Variants in FYB1 observed in about 807,000 individuals in gnomAD.
FYB1 encodes FYN binding protein 1.
In FYB1, 41 loss-of-function variants were observed where a neutral mutation model predicts 94.1. That is an observed-to-expected ratio of 0.44 (90% CI 0.34 to 0.57). The LOEUF is 0.57. FYB1 is among the 20% of genes least tolerant of loss of function. The pLI, the probability that FYB1 is intolerant of heterozygous loss-of-function variation, is 0.02. For missense variants in FYB1, 1,050 were observed against 976.8 expected, an observed-to-expected ratio of 1.07 and a Z score of -1.00; for synonymous variants, 367 against 353.2, an observed-to-expected ratio of 1.04 and a Z score of -0.44.
intron 2 of FYB1, among the ~76,000 whole-genome samples, chr5:39,188,050 T>C (rs1211579417): frequency 6.6e-6 from 1 of 152,114 alleles, no homozygotes; most frequent in East Asian, 1.9e-4. Context: ...GTCACCACTC[T>C]TCCAGGCTGA....
chr5:39,253,163 C>T (rs748236042), intron 1 of FYB1, among the ~76,000 whole-genome samples: 22 of 152,200 alleles, frequency 1.4e-4, no homozygotes, highest in Admixed American at 9.8e-4. Context: ...ACTGAGATGA[C>T]ATTGCAGTGG....
chr5:39,255,467 T>A (rs261740), intron 1 of FYB1, among the ~76,000 whole-genome samples: 146,905 of 150,204 alleles, frequency 0.98, 71,935 homozygotes, highest in East Asian at 1. Context: ...AGTTGCAGAC[T>A]TCAGTACCTT....
In FYB1 at chr5:39,210,795, G is replaced by A. The variant is rs575969616; in HGVS notation, c.-27-7808C>T. On this transcript the variant is annotated intron_variant, in intron 1 of 18. Coordinates refer to ENST00000512982, the MANE Select transcript of FYB1 (RefSeq NM_001465.6). ...GGAGGCTGATGTGGGAAGACCGCTTGAGCCCAAGGGTTTGAGTTCATCCTA... is the reference window on the plus strand; with the variant it reads ...GGAGGCTGATGTGGGAAGACCGCTTAAGCCCAAGGGTTTGAGTTCATCCTA... Among the ~76,000 whole-genome samples the A allele has an allele frequency of 3.3e-5, 5 of 152,308 alleles. No individual in the cohort carries two copies. The South Asian group carries it at 1.0e-3, about 32-fold the overall frequency.
In FYB1 at chr5:39,244,294, G is replaced by T. The variant is rs563260719; in HGVS notation, c.-28+30109C>A. 7.8e-4 allele frequency among the ~76,000 whole-genome samples: 119 copies of T among 152,032 alleles called. 1 individual carries two copies. The highest frequency in any genetic ancestry group is 1.5e-3 in the Non-Finnish European group (99 of 68,008). ...GCTGTGGGTTTGTCATAAATAGCCC[G>T]TATTGTTTTGAGGTACGTCCCATCA... On this transcript the variant is annotated intron_variant, in intron 1 of 1. Coordinates refer to the FYB1 transcript ENST00000510188.
chr5:39,137,212 A>T lies in FYB1; in HGVS notation c.1515+388T>A, dbSNP rs375150506. Among the ~76,000 whole-genome samples the T allele has an allele frequency of 8.6e-4, 131 of 152,324 alleles. 3 individuals carry two copies. The highest frequency in any genetic ancestry group is 3.0e-3 in the African/African-American group (126 of 41,572). ...GACAGGTCTGGTTCACCCTGGAGGC[A>T]CTTGTGTCCAATGCCCCCCTATAAT... On this transcript the variant is annotated intron_variant, in intron 7 of 18. Transcript: ENST00000512982.
At chr5:39,237,675 A>G (rs1175386293) in intron 1 of FYB1, among the ~76,000 whole-genome samples, 1 of 152,156 alleles carries the variant, frequency 6.6e-6, no homozygotes. Flanking sequence ...AGAGATACTG[A>G]TGATGGCATA....
chr5:39,237,671 A>G (rs1382443792), intron 1 of FYB1, among the ~76,000 whole-genome samples: 1 of 152,162 alleles, frequency 6.6e-6, no homozygotes, highest in Admixed American at 6.6e-5. Context: ...AATGAGAGAT[A>G]CTGATGATGG....
intron 3 of FYB1, among the ~76,000 whole-genome samples, chr5:39,150,722 T>C (rs930211155): frequency 6.6e-6 from 1 of 152,184 alleles, no homozygotes; most frequent in Non-Finnish European, 1.5e-5. Flanking sequence ...TTTGTCTCTC[T>C]CTTCAAAATA....
At chr5:39,171,747 G>A (rs1745264966) in intron 2 of FYB1, among the ~76,000 whole-genome samples, 2 of 152,114 alleles carry the variant, frequency 1.3e-5, no homozygotes, top group Non-Finnish European at 2.9e-5. Flanking sequence ...TTAACTACCA[G>A]CTGACACTTT....
At chr5:39,186,222 G>A (rs1048311721) in intron 2 of FYB1, among the ~76,000 whole-genome samples, 3 of 152,104 alleles carry the variant, frequency 2.0e-5, no homozygotes, top group Non-Finnish European at 4.4e-5. Context: ...TCAAGAGATC[G>A]AGACCATCTT....
At chr5:39,175,839 G>A (rs1745671671) in intron 2 of FYB1, among the ~76,000 whole-genome samples, 1 of 152,162 alleles carries the variant, frequency 6.6e-6, no homozygotes, top group Non-Finnish European at 1.5e-5. Flanking sequence ...GAATAACCTA[G>A]TGAATGCTAC....
intron 1 of FYB1, among the ~76,000 whole-genome samples, chr5:39,251,315 C>A (rs2150611098): frequency 6.6e-6 from 1 of 152,214 alleles, no homozygotes; most frequent in Non-Finnish European, 1.5e-5. Context: ...ATAGACCACA[C>A]TAGGGGAAAA....
At chr5:39,145,115 C>T (rs1040440061) in intron 3 of FYB1, among the ~76,000 whole-genome samples, 14 of 152,186 alleles carry the variant, frequency 9.2e-5, no homozygotes, top group East Asian at 7.7e-4. Flanking sequence ...GTGAAAGGAA[C>T]GTGGAGGCTC....
At chr5:39,174,652 C>T (rs965645919) in intron 2 of FYB1, among the ~76,000 whole-genome samples, 5 of 152,112 alleles carry the variant, frequency 3.3e-5, no homozygotes, top group African/African-American at 7.2e-5. Context: ...CATGAGCTCC[C>T]GGACTAAAAT....
chr5:39,169,115 T>G, intron 2 of FYB1: 1 of 668,656 alleles, frequency 1.5e-6, no homozygotes, highest in Admixed American at 2.2e-5. Flanking sequence ...AAAATAATCT[T>G]GTGCACATTC....
chr5:39,158,913 A>T (rs1024931214), intron 2 of FYB1, among the ~76,000 whole-genome samples: 1 of 152,132 alleles, frequency 6.6e-6, no homozygotes, highest in Non-Finnish European at 1.5e-5. Context: ...GCATTAGAAA[A>T]CTTTGATTTT....
intron 16 of FYB1, chr5:39,110,734 T>G (rs1318492125): frequency 3.3e-6 from 1 of 299,106 alleles, no homozygotes; most frequent in South Asian, 3.2e-5. Context: ...TAGGAAGAAT[T>G]TAGTAAGCAT....
At position 39,202,033 on chromosome 5, in the gene FYB1, G is replaced by A. The variant is rs372090889; in HGVS notation, c.928C>T (p.Pro310Ser). 5 of 1,613,916 alleles carry A rather than the reference G, an allele frequency of 3.1e-6. No individual in the cohort carries two copies. Among genetic ancestry groups the A allele is most frequent in the Non-Finnish European group, 4.2e-6 (5 of 1,179,890 alleles). Residue 310 changes from proline (P) to serine (S), a missense_variant, in exon 2 of 19, where the codon CCT becomes TCT. Transcript: ENST00000512982. ...GAAGGGGCCTTAGGGAACCTGGCAG[G>A]AGGAGTCCCTGAGGCCAACTCTTCC... is the stretch of plus-strand genomic sequence containing the variant. ...NQEELASGTP[P>S]ARFPKAPSKL...
At chr5:39,168,033 T>G (rs1426885436) in intron 2 of FYB1, among the ~76,000 whole-genome samples, 2 of 152,208 alleles carry the variant, frequency 1.3e-5, no homozygotes, top group Admixed American at 6.5e-5. Context: ...CTTCCCTTAT[T>G]ATGGATATTT....
Sources: allele counts gnomAD v4.1 joint callset (sites outside exome capture counted in the v4.1 genomes callset), GRCh38; gene constraint gnomAD v4.1.1; transcripts MANE v1.5; gene names NCBI Gene and HGNC (gene_info 2026-07-23, HGNC 2026-07-21).